The following ZEB2 variants were observed in gnomAD, a reference collection of about 807,000 sequenced individuals.
The protein encoded by ZEB2 is zinc finger E-box binding homeobox 2.
ZEB2 carries 6 observed loss-of-function variants against 99.9 expected under a neutral mutation model. The ratio of observed to expected loss-of-function variants is 0.06; its 90% CI spans 0.03 to 0.12. ZEB2 has a LOEUF of 0.12. Among genes scored for constraint, ZEB2 ranks in the 10% least tolerant of loss-of-function variants. ZEB2 has a pLI of 1.00. For missense variants in ZEB2, 969 were observed against 1,502.8 expected (o/e 0.64, Z 5.87); for synonymous variants, 517 against 542.5 (o/e 0.95, Z 0.65).
chr2:144,512,520 G>C, intron 2 of ZEB2: 2 of 1,287,190 alleles, frequency 1.6e-6, no homozygotes, highest in South Asian at 2.5e-5. Flanking sequence ...TGAAACCTAT[G>C]ACATAGCAGT....
intron 2 of ZEB2, among the ~76,000 whole-genome samples, chr2:144,435,526 G>C (rs1458968460): frequency 1.3e-5 from 2 of 151,592 alleles, no homozygotes; most frequent in Non-Finnish European, 2.9e-5. Flanking sequence ...TTGAGTTTGG[G>C]AGGTCGAGGC....
At chr2:144,517,874 C>T in intron 1 of ZEB2, 1 of 519,362 alleles carries the variant, frequency 1.9e-6, no homozygotes, top group Non-Finnish European at 3.4e-6. Context: ...ACAAACAACG[C>T]GAAACAGCCC....
At chr2:144,518,076 C>T (rs1225321049) in intron 1 of ZEB2, 2 of 166,220 alleles carry the variant, frequency 1.2e-5, no homozygotes, top group East Asian at 3.4e-4. Context: ...TGGACACTGT[C>T]CTTTACCCCA....
chr2:144,502,759 C>A (rs1337390178), intron 2 of ZEB2, among the ~76,000 whole-genome samples: 1 of 152,106 alleles, frequency 6.6e-6, no homozygotes, highest in Non-Finnish European at 1.5e-5. Flanking sequence ...GCCTCTGGAA[C>A]AGGGATTTTC....
rs1415177482 is a variant in ZEB2 at position 144,386,934 on chromosome 2, A to G, written c.*2517T>C. 4.5e-5 allele frequency: 1 copy of G among 22,426 alleles called. No homozygotes were observed. The highest frequency in any genetic ancestry group is 9.4e-5 in the Non-Finnish European group (1 of 10,618). The allele number at this position is 22,426 out of a possible 1,614,324, so 1.4% of individuals were successfully genotyped here. On this transcript the variant is annotated 3_prime_UTR_variant, in exon 10 of 10. Coordinates refer to ENST00000627532, the MANE Select transcript of ZEB2 (RefSeq NM_014795.4). ...TGCCACTCCTCCCCCTGCCCCCCCCACCCCCTCTGCCAGAAAGTTTGAAGA... is the reference window on the plus strand; with the variant it reads ...TGCCACTCCTCCCCCTGCCCCCCCCGCCCCCTCTGCCAGAAAGTTTGAAGA...
Position 144,400,101 on chromosome 2 carries a change from A to G in ZEB2, c.1086T>C (p.Thr362=). 2 of 1,613,984 alleles carry G rather than the reference A, an allele frequency of 1.2e-6. No individual in the cohort carries two copies. Among genetic ancestry groups the G allele is most frequent in the Non-Finnish European group, 1.7e-6 (2 of 1,179,820 alleles). Residue 362 remains threonine (T), a synonymous_variant, in exon 8 of 10, where the codon ACT becomes ACC. Coordinates refer to ENST00000627532, the MANE Select transcript of ZEB2 (RefSeq NM_014795.4). ...SSPNSVSSSP[T]NSAITQLRNK... Reference sequence around the variant, plus strand: ...TTCTTAACTGGGTAATGGCTGAATTAGTAGGAGAAGAAGAAACAGAATTAG... The same window carrying G: ...TTCTTAACTGGGTAATGGCTGAATTGGTAGGAGAAGAAGAAACAGAATTAG...
In ZEB2 at chr2:144,452,999, G is replaced by A. The variant is rs377481897; in HGVS notation, c.74-22973C>T. ...GAATTCATTTTTTTTTACAGGAAAT[G>A]TATATCCTTGTAAGTCTATCATCTT... On this transcript the variant is annotated intron_variant, in intron 2 of 9. Coordinates refer to ENST00000627532, the MANE Select transcript of ZEB2 (RefSeq NM_014795.4). Among the ~76,000 whole-genome samples the A allele has an allele frequency of 8.6e-5, 13 of 151,960 alleles. No individual in the cohort carries two copies. In the East Asian group the frequency reaches 1.2e-3, roughly 14 times the overall value.
chr2:144,395,107 T>C (rs918305917), intron 9 of ZEB2, among the ~76,000 whole-genome samples: 10 of 146,318 alleles, frequency 6.8e-5, no homozygotes, highest in African/African-American at 2.5e-4. Flanking sequence ...GCCATCCTCC[T>C]ACCTCAGCCT....
At chr2:144,457,844 G>A (rs1704141310) in intron 2 of ZEB2, among the ~76,000 whole-genome samples, 1 of 152,090 alleles carries the variant, frequency 6.6e-6, no homozygotes, top group African/African-American at 2.4e-5. Flanking sequence ...ACAGACAGCT[G>A]TATACTAAAT....
At chr2:144,497,559 A>G (rs1007835916) in intron 2 of ZEB2, 4 of 157,770 alleles carry the variant, frequency 2.5e-5, no homozygotes, top group Non-Finnish European at 4.4e-5. Context: ...ATAAAGGTGA[A>G]AGAAGCCCTC....
chr2:144,462,716 C>T (rs1324286162), intron 2 of ZEB2: 1 of 152,146 alleles, frequency 6.6e-6, no homozygotes, highest in Non-Finnish European at 1.5e-5. Flanking sequence ...CAATGCCCTC[C>T]ATGAGAATAG....
chr2:144,503,807 A>G (rs1358395007), intron 2 of ZEB2: 1 of 152,142 alleles, frequency 6.6e-6, no homozygotes, highest in African/African-American at 2.4e-5. Flanking sequence ...TTGACCTTTT[A>G]AACAACTTAA....
At chr2:144,429,528 G>A in intron 3 of ZEB2, 1 of 569,740 alleles carries the variant, frequency 1.8e-6, no homozygotes, top group Admixed American at 3.0e-5. Flanking sequence ...TTGAAAGTGT[G>A]GTTCATGTTT....
At chr2:144,457,128 C>T (rs1018383678) in intron 2 of ZEB2, among the ~76,000 whole-genome samples, 1 of 152,154 alleles carries the variant, frequency 6.6e-6, no homozygotes, top group South Asian at 2.1e-4. Flanking sequence ...GCCTTAAAAA[C>T]CCTTTTCTTC....
intron 2 of ZEB2, chr2:144,504,017 C>A (rs1310255986): frequency 6.7e-6 from 1 of 149,146 alleles, no homozygotes; most frequent in African/African-American, 2.5e-5. Flanking sequence ...CAGAAGAGAA[C>A]CCCCAAGAAA....
intron 2 of ZEB2, among the ~76,000 whole-genome samples, chr2:144,505,078 G>A (rs1032257502): frequency 5.3e-5 from 8 of 151,756 alleles, no homozygotes; most frequent in African/African-American, 1.7e-4. Context: ...TAATGTCAGG[G>A]GGAAAAAACG....
At chr2:144,446,875 G>A (rs1703992119) in intron 2 of ZEB2, among the ~76,000 whole-genome samples, 1 of 151,944 alleles carries the variant, frequency 6.6e-6, no homozygotes, top group African/African-American at 2.4e-5. Context: ...AATTAGCCGG[G>A]CATGGTGGCC....
intron 2 of ZEB2, among the ~76,000 whole-genome samples, chr2:144,433,837 T>G (rs1005848886): frequency 6.6e-6 from 1 of 152,200 alleles, no homozygotes; most frequent in African/African-American, 2.4e-5. Context: ...ATTTTTGTGT[T>G]CTGGTGACAT....
At chr2:144,479,693 GGC>G (rs1704482124) in intron 2 of ZEB2, among the ~76,000 whole-genome samples, 2 of 100,824 alleles carry the variant, frequency 2.0e-5, no homozygotes, top group Non-Finnish European at 4.1e-5. Context: ...TGGGGGGGGG[GGC>G]GGGGGGTGGA....
Sources: gnomAD v4.1 joint callset for allele counts (sites outside exome capture counted in the v4.1 genomes callset) on GRCh38, gnomAD v4.1.1 for gene constraint, MANE v1.5 for transcripts, NCBI Gene and HGNC (gene_info 2026-07-23, HGNC 2026-07-21) for gene names.